UBXN7: variants seen among roughly 807,000 people sequenced by gnomAD.
The protein encoded by UBXN7 is UBX domain protein 7.
Under a neutral mutation model 58.0 loss-of-function variants are expected in UBXN7, and 9 were observed. The observed-to-expected ratio is 0.16, with a 90% CI of 0.09 to 0.27. The LOEUF (loss-of-function observed/expected upper bound fraction) is 0.27, where lower values mean the gene tolerates loss of function less well. UBXN7 is among the 10% of genes least tolerant of loss of function. The pLI is 1.00. For missense variants in UBXN7, 328 were observed against 599.6 expected (o/e 0.55, Z 4.73); for synonymous variants, 208 against 205.0 (o/e 1.01, Z -0.12).
At position 196,389,194 on chromosome 3, in the gene UBXN7, TTC is replaced by T. The variant is rs150584558; in HGVS notation, c.468+2617_468+2618del. Among the ~76,000 whole-genome samples, 626 of 152,238 alleles carry T rather than the reference TTC, an allele frequency of 4.1e-3. 5 individuals carry two copies. Among genetic ancestry groups the T allele is most frequent in the African/African-American group, 0.014 (581 of 41,544 alleles). ...TTTTCTGCCTTTAATATTGCTGCTA[TTC>T]TCTCTCTCAATGGCTGTAGTATCAC... On this transcript the variant is annotated intron_variant, in intron 5 of 10. Coordinates refer to ENST00000296328, the MANE Select transcript of UBXN7 (RefSeq NM_015562.2).
intron 1 of UBXN7, among the ~76,000 whole-genome samples, chr3:196,430,093 G>C (rs902911722): frequency 1.3e-5 from 2 of 152,152 alleles, no homozygotes; most frequent in East Asian, 1.9e-4. Context: ...GGTGGCTCAC[G>C]CCTGTAATCC....
At chr3:196,404,397 G>T (rs1730093676) in intron 2 of UBXN7, among the ~76,000 whole-genome samples, 1 of 151,802 alleles carries the variant, frequency 6.6e-6, no homozygotes, top group Non-Finnish European at 1.5e-5. Context: ...CAAGGAGCTG[G>T]GACTACAGGC....
chr3:196,432,212 G>A (rs761694651), intron 1 of UBXN7, 115 bp downstream of exon 1: 18 of 1,418,074 alleles, frequency 1.3e-5, no homozygotes, highest in South Asian at 2.4e-5. Flanking sequence ...GAGGGAGGAC[G>A]GCAGCTGTGG....
chr3:196,394,513 G>C (rs1190888995), intron 3 of UBXN7, among the ~76,000 whole-genome samples: 1 of 151,118 alleles, frequency 6.6e-6, no homozygotes, highest in African/African-American at 2.4e-5. Context: ...TGAGGCAGGA[G>C]AATCACTTGA....
chr3:196,386,407 G>GAAAAAAAAAAAAAAAAA (rs1308392614), intron 5 of UBXN7, among the ~76,000 whole-genome samples: 2 of 110,476 alleles, frequency 1.8e-5, no homozygotes, highest in African/African-American at 3.4e-5. Flanking sequence ...AAAAAAAAAG[G>GAAAAAAAAAAAAAAAAA]AAATGAGGAA....
At chr3:196,387,913 T>C (rs1490277510) in intron 5 of UBXN7, among the ~76,000 whole-genome samples, 1 of 152,142 alleles carries the variant, frequency 6.6e-6, no homozygotes, top group African/African-American at 2.4e-5. Flanking sequence ...GAACTAGAAT[T>C]ACCATTTGAC....
chr3:196,386,882 T>G (rs969425626), intron 5 of UBXN7, among the ~76,000 whole-genome samples: 2 of 152,100 alleles, frequency 1.3e-5, no homozygotes, highest in African/African-American at 4.8e-5. Context: ...GTATGGAACC[T>G]AAAAAGAGCC....
At chr3:196,368,182 A>C in intron 7 of UBXN7, 27 bp from the exon 8 acceptor site, 1 of 1,588,488 alleles carries the variant, frequency 6.3e-7, no homozygotes, top group Non-Finnish European at 8.6e-7. Context: ...AAGATCTATA[A>C]ATAAATATAA....
intron 1 of UBXN7, chr3:196,423,435 T>A: frequency 3.6e-6 from 1 of 277,772 alleles, no homozygotes. Flanking sequence ...CTCCAGATTG[T>A]GGCCTGGCCA....
intron 2 of UBXN7, among the ~76,000 whole-genome samples, chr3:196,404,593 T>G (rs933568412): frequency 6.6e-6 from 1 of 152,176 alleles, no homozygotes; most frequent in Non-Finnish European, 1.5e-5. Context: ...CTGAACAGTA[T>G]TAACTAAAGA....
chr3:196,389,534 G>C (rs1729513073), intron 5 of UBXN7, among the ~76,000 whole-genome samples: 1 of 152,116 alleles, frequency 6.6e-6, no homozygotes, highest in South Asian at 2.1e-4. Context: ...CCCAGTGTTG[G>C]GGGTGGGGCC....
chr3:196,410,831 A>AC (rs1378352484), intron 1 of UBXN7, among the ~76,000 whole-genome samples: 1 of 152,076 alleles, frequency 6.6e-6, no homozygotes, highest in Non-Finnish European at 1.5e-5. Context: ...CAAAAAAAAA[A>AC]AAAATCCCTT....
intron 5 of UBXN7, among the ~76,000 whole-genome samples, chr3:196,378,072 A>G (rs1230876321): frequency 2.0e-5 from 3 of 152,144 alleles, no homozygotes; most frequent in Non-Finnish European, 2.9e-5. Context: ...ATTCACTGTT[A>G]TTATATATAT....
chr3:196,393,647 AT>A (rs1560232001), intron 3 of UBXN7, 28 bp from the exon 4 acceptor site: 1 of 1,585,124 alleles, frequency 6.3e-7, no homozygotes, highest in Non-Finnish European at 8.6e-7. Flanking sequence ...AGAATTGAAA[AT>A]TTTTTAAATT....
intron 10 of UBXN7, among the ~76,000 whole-genome samples, chr3:196,359,523 A>C: frequency 6.6e-6 from 1 of 152,240 alleles, no homozygotes; most frequent in East Asian, 1.9e-4. Context: ...ACAGACACAA[A>C]GCTAGGCCTC....
Position 196,348,213 on chromosome 3 carries a change from T to C in UBXN7, c.*8472A>G, listed in dbSNP as rs1237637741. 6.6e-6 allele frequency: 1 copy of C among 152,090 alleles called. No homozygotes were observed. Among genetic ancestry groups the C allele is most frequent in the Non-Finnish European group, 1.5e-5 (1 of 68,014 alleles). The allele number at this position is 152,090 out of a possible 1,614,324, so 9.4% of individuals were successfully genotyped here. A position where few individuals can be genotyped will look rare whatever the true frequency, so the allele number is the denominator to read the frequency against. On this transcript the variant is annotated 3_prime_UTR_variant, in exon 11 of 11. Coordinates refer to ENST00000296328, the MANE Select transcript of UBXN7 (RefSeq NM_015562.2). ...CACCTTTATTATGACTTACTAGATATACAGGAGGGTCTCTAATGTGTCTTG... is the reference window on the plus strand; with the variant it reads ...CACCTTTATTATGACTTACTAGATACACAGGAGGGTCTCTAATGTGTCTTG...
chr3:196,390,328 T>C (rs983576292), intron 5 of UBXN7, among the ~76,000 whole-genome samples: 2 of 152,144 alleles, frequency 1.3e-5, no homozygotes, highest in African/African-American at 4.8e-5. Context: ...CTCAAACTCC[T>C]GAACTCAAGG....
intron 10 of UBXN7, 57 bp from the exon 11 acceptor site, chr3:196,356,903 T>C (rs1728366734): frequency 5.8e-6 from 9 of 1,552,348 alleles, no homozygotes; most frequent in South Asian, 1.2e-5. Flanking sequence ...AAGAGCATAT[T>C]AGTGAATTAA....
At chr3:196,379,672 G>T (rs939603558) in intron 5 of UBXN7, among the ~76,000 whole-genome samples, 4 of 152,180 alleles carry the variant, frequency 2.6e-5, no homozygotes, top group African/African-American at 7.2e-5. Context: ...TAACTCTTGA[G>T]TCCCAACAGA....
Sources: gnomAD v4.1 joint callset for allele counts (sites outside exome capture counted in the v4.1 genomes callset) on GRCh38, gnomAD v4.1.1 for gene constraint, MANE v1.5 for transcripts, NCBI Gene and HGNC (gene_info 2026-07-23, HGNC 2026-07-21) for gene names.